The following NKD1 variants were observed in gnomAD, a reference collection of about 807,000 sequenced individuals.
The protein encoded by NKD1 is NKD inhibitor of Wnt signaling pathway 1.
Under a neutral mutation model 56.0 loss-of-function variants are expected in NKD1, and 21 were observed. The ratio of observed to expected loss-of-function variants is 0.38; its 90% confidence interval spans 0.27 to 0.54. NKD1 has a LOEUF of 0.54. Among genes scored for constraint, NKD1 ranks in the 20% least tolerant of loss-of-function variants. The probability of loss-of-function intolerance (pLI) is 0.82; values close to 1 mark genes in which losing one functional copy is unlikely to be tolerated. For synonymous variants in NKD1, 263 were observed against 265.7 expected, an observed-to-expected ratio of 0.99 and a Z score of 0.10; for missense variants, 578 against 642.7, an observed-to-expected ratio of 0.90 and a Z score of 1.09.
At chr16:50,618,592 A>G (rs1026584744) in intron 4 of NKD1, among the ~76,000 whole-genome samples, 8 of 152,122 alleles carry the variant, frequency 5.3e-5, no homozygotes, top group African/African-American at 1.9e-4. Flanking sequence ...GTTCTCTGCC[A>G]CCTCTTCTAG....
intron 3 of NKD1, among the ~76,000 whole-genome samples, chr16:50,569,934 G>T (rs1387637033): frequency 2.0e-5 from 3 of 152,202 alleles, no homozygotes; most frequent in African/African-American, 7.2e-5. Context: ...TTAGCAGAGT[G>T]GTTGGAGCCG....
chr16:50,548,935 C>T, intron 2 of NKD1, 186 bp downstream of exon 2: 5 of 954,882 alleles, frequency 5.2e-6, no homozygotes, highest in Non-Finnish European at 6.2e-6. Flanking sequence ...CTACCCGCTC[C>T]CCGCGGTCCT....
At chr16:50,591,257 C>T (rs951313814) in intron 3 of NKD1, among the ~76,000 whole-genome samples, 5 of 152,204 alleles carry the variant, frequency 3.3e-5, no homozygotes, top group African/African-American at 4.8e-5. Context: ...CTGTGAGCTG[C>T]GCTTCTCTCT....
intron 3 of NKD1, among the ~76,000 whole-genome samples, chr16:50,591,445 G>C (rs1297958178): frequency 6.6e-6 from 1 of 152,226 alleles, no homozygotes; most frequent in Non-Finnish European, 1.5e-5. Flanking sequence ...GGCTTTGCAA[G>C]TGGGCAGTGG....
In NKD1 at chr16:50,598,216, G is replaced by T. The variant is rs986872587; in HGVS notation, c.193-10078G>T. Among the ~76,000 whole-genome samples, 3 of 148,066 alleles carry T rather than the reference G, an allele frequency of 2.0e-5. No homozygotes were observed. The highest frequency in any genetic ancestry group is 4.4e-5 in the Non-Finnish European group (3 of 67,694). On this transcript the variant is annotated intron_variant, in intron 3 of 9. Transcript: ENST00000268459. This position sits in a 1 kb window ranked among gnomAD's most constrained non-coding sequence, Gnocchi z 4.2. The stretch of plus-strand genomic sequence containing the variant: ...GGTTTCTCCAGGGCACTGCAGGGCC[G>T]CATGGGTGGACTCTGTGTGTGTGTG...
At chr16:50,574,008 A>T in intron 3 of NKD1, 1 of 955,096 alleles carries the variant, frequency 1.0e-6, no homozygotes, top group Non-Finnish European at 1.2e-6. Context: ...CTATATATAC[A>T]TAGAAATTTT....
At chr16:50,554,336 G>A (rs1960454093) in intron 3 of NKD1, among the ~76,000 whole-genome samples, 1 of 152,158 alleles carries the variant, frequency 6.6e-6, no homozygotes, top group African/African-American at 2.4e-5. Flanking sequence ...GTTGTTGTTT[G>A]TACCAGGAAG....
At chr16:50,621,570 T>A in intron 4 of NKD1, 32 bp from the exon 5 acceptor site, 1 of 1,536,940 alleles carries the variant, frequency 6.5e-7, no homozygotes, top group Non-Finnish European at 9.0e-7. Flanking sequence ...TGGACCCTGC[T>A]CCTAATGCTC....
In NKD1 at chr16:50,636,800, T is replaced by C. The variant is rs1962477384; in HGVS notation, c.*3019T>C. 1 of 152,242 alleles carries C rather than the reference T, an allele frequency of 6.6e-6. No individual in the cohort carries two copies. Among genetic ancestry groups the C allele is most frequent in the African/African-American group, 2.4e-5 (1 of 41,454 alleles). The allele number at this position is 152,242 out of a possible 1,614,324, so 9.4% of individuals were successfully genotyped here. On this transcript the variant is annotated 3_prime_UTR_variant, in exon 10 of 10. Transcript: ENST00000268459. ...TTTGAAACAGAAAATTGTGTAACAT[T>C]AACTATGAACTTACCACCCAGAATT...
rs887198245 is a variant in NKD1 at position 50,635,979 on chromosome 16, T to C, written c.*2198T>C. Reference sequence around the variant, plus strand: ...TCTTGTCCCTCGGATTGATAACTTGTACTCAACTACATGCTTTTGTCAGGG... The same window carrying C: ...TCTTGTCCCTCGGATTGATAACTTGCACTCAACTACATGCTTTTGTCAGGG... On this transcript the variant is annotated 3_prime_UTR_variant, in exon 10 of 10. Transcript: ENST00000268459. The surrounding 1 kb of genome is among the most constrained non-coding windows in gnomAD (Gnocchi z 4.1). 6.6e-6 allele frequency: 1 copy of C among 152,282 alleles called. No homozygotes were observed. Among genetic ancestry groups the C allele is most frequent in the African/African-American group, 2.4e-5 (1 of 41,478 alleles). 9.4% of individuals were successfully genotyped at this position (152,282 alleles called of 1,614,324 possible).
intron 3 of NKD1, among the ~76,000 whole-genome samples, chr16:50,585,806 G>A (rs1397955327): frequency 6.6e-6 from 1 of 152,178 alleles, no homozygotes; most frequent in Non-Finnish European, 1.5e-5. Flanking sequence ...ATAACAGCTA[G>A]CATTGAACAA....
rs377671299 is a variant in NKD1, at chr16:50,630,558, G to A, written c.610+225G>A. Among the ~76,000 whole-genome samples the A allele has an allele frequency of 3.8e-4, 58 of 152,240 alleles. 1 individual carries two copies. The East Asian group carries it at 5.8e-3, about 15-fold the overall frequency. On this transcript the variant is annotated intron_variant, in intron 7 of 9. Transcript: ENST00000268459. ...ATATAGGCAGAGCCATGCAGCTGGA[G>A]TGAAGGCTGGTGTTACGGGCAGCAT...
chr16:50,615,400 T>A (rs1169747102), intron 4 of NKD1, among the ~76,000 whole-genome samples: 1 of 152,016 alleles, frequency 6.6e-6, no homozygotes, highest in Non-Finnish European at 1.5e-5. Context: ...ATTAAATGAG[T>A]GATATAATGA....
At chr16:50,572,470 G>C (rs1960905105) in intron 3 of NKD1, among the ~76,000 whole-genome samples, 1 of 152,208 alleles carries the variant, frequency 6.6e-6, no homozygotes. Context: ...CTGTAAACTA[G>C]AGGGTGGGGG....
intron 3 of NKD1, among the ~76,000 whole-genome samples, chr16:50,601,388 C>T (rs563531220): frequency 6.4e-5 from 9 of 141,308 alleles, no homozygotes; most frequent in South Asian, 5.2e-4. Context: ...GTAGGAAGGG[C>T]GGGTTAGGGT....
chr16:50,611,904 G>T (rs1384294505), intron 4 of NKD1, among the ~76,000 whole-genome samples: 1 of 152,142 alleles, frequency 6.6e-6, no homozygotes, highest in East Asian at 1.9e-4. Context: ...TAAGTGCCCA[G>T]CACACTTGAG....
chr16:50,594,068 A>G (rs1011071360), intron 3 of NKD1, among the ~76,000 whole-genome samples: 1 of 145,008 alleles, frequency 6.9e-6, no homozygotes, highest in Non-Finnish European at 1.5e-5. Context: ...TGAATGAGAG[A>G]GGTTCCTGGG....
At chr16:50,621,417 C>A (rs1214865700) in intron 4 of NKD1, among the ~76,000 whole-genome samples, 185 bp from the exon 5 acceptor site, 1 of 152,218 alleles carries the variant, frequency 6.6e-6, no homozygotes, top group Non-Finnish European at 1.5e-5. Context: ...GGGGGAAGGT[C>A]TTCCCAGGCA....
chr16:50,558,924 A>G (rs1228883096), intron 3 of NKD1, among the ~76,000 whole-genome samples: 4 of 151,580 alleles, frequency 2.6e-5, no homozygotes. Context: ...AAACAAACAA[A>G]CAAACAAACA....
Sources: allele counts gnomAD v4.1 joint callset (sites outside exome capture counted in the v4.1 genomes callset), GRCh38; gene constraint gnomAD v4.1.1; non-coding constraint Gnocchi (gnomAD v3.1); transcripts MANE v1.5; gene names NCBI Gene and HGNC (gene_info 2026-07-23, HGNC 2026-07-21).